Variants in LCLAT1 observed in about 807,000 individuals in gnomAD.
LCLAT1 encodes lysocardiolipin acyltransferase 1, also known as 1-AGP acyltransferase 8.
Under a neutral mutation model 30.7 loss-of-function variants are expected in LCLAT1, and 11 were observed. The observed-to-expected ratio is 0.36, with a 90% CI of 0.23 to 0.59. The LOEUF (loss-of-function observed/expected upper bound fraction) is 0.59, where lower values mean the gene tolerates loss of function less well. Among genes scored for constraint, LCLAT1 ranks in the 20% least tolerant of loss-of-function variants. The pLI is 0.77. For missense variants in LCLAT1, 402 were observed against 458.6 expected, an observed-to-expected ratio of 0.88 and a Z score of 1.13; for synonymous variants, 155 against 151.3, an observed-to-expected ratio of 1.02 and a Z score of -0.18.
intron 1 of LCLAT1, 126 bp from the exon 2 acceptor site, chr2:30,525,461 A>T: frequency 1.4e-6 from 1 of 723,728 alleles, no homozygotes; most frequent in Non-Finnish European, 2.3e-6. Flanking sequence ...TCAGACTCTT[A>T]TATTGTTTCT....
intron 5 of LCLAT1, among the ~76,000 whole-genome samples, chr2:30,587,696 C>T (rs752975645): frequency 2.6e-5 from 4 of 151,908 alleles, no homozygotes; most frequent in African/African-American, 4.8e-5. Flanking sequence ...TTAAGCAAAA[C>T]TTGAATTGTT....
At chr2:30,575,625 C>G (rs892672637) in intron 5 of LCLAT1, among the ~76,000 whole-genome samples, 8 of 152,142 alleles carry the variant, frequency 5.3e-5, no homozygotes, top group Admixed American at 4.6e-4. Flanking sequence ...CTTTTTTTAA[C>G]TACCGGAGGA....
intron 1 of LCLAT1, among the ~76,000 whole-genome samples, chr2:30,490,460 G>A (rs981575188): frequency 6.6e-6 from 1 of 152,030 alleles, no homozygotes; most frequent in African/African-American, 2.4e-5. Context: ...CAAAGTGCTG[G>A]GATTATAGGC....
chr2:30,608,859 T>G (rs1384672735), intron 5 of LCLAT1, among the ~76,000 whole-genome samples: 2 of 152,146 alleles, frequency 1.3e-5, no homozygotes, highest in Admixed American at 6.5e-5. Context: ...GTCATAGGGT[T>G]TGGTAACCTT....
chr2:30,602,379 C>CT (rs1667231182), intron 5 of LCLAT1, among the ~76,000 whole-genome samples: 1 of 152,112 alleles, frequency 6.6e-6, no homozygotes, highest in Admixed American at 6.6e-5. Flanking sequence ...TATTTTAACT[C>CT]TAAGAGTTAT....
At chr2:30,504,128 A>G (rs1271019407) in intron 1 of LCLAT1, among the ~76,000 whole-genome samples, 2 of 150,136 alleles carry the variant, frequency 1.3e-5, no homozygotes, top group African/African-American at 5.1e-5. Context: ...ATATAAACAC[A>G]TATATTACAC....
intron 4 of LCLAT1, among the ~76,000 whole-genome samples, chr2:30,567,611 G>C (rs1665550394): frequency 6.6e-6 from 1 of 152,176 alleles, no homozygotes; most frequent in Admixed American, 6.5e-5. Context: ...GTAATGCCAA[G>C]TGGACCTCCG....
At chr2:30,550,260 A>G (rs1351456820) in intron 3 of LCLAT1, among the ~76,000 whole-genome samples, 1 of 152,224 alleles carries the variant, frequency 6.6e-6, no homozygotes, top group Non-Finnish European at 1.5e-5. Context: ...CTCTGATGTT[A>G]ACATCTTATA....
chr2:30,610,557 TTTAAGACCTTGTTGTTTGAATA>T (rs1371543006), intron 5 of LCLAT1, among the ~76,000 whole-genome samples: 3 of 152,162 alleles, frequency 2.0e-5, no homozygotes, highest in Admixed American at 1.3e-4. Context: ...CTCTCAGGTA[TTTAAGACCTTGTTGTTTGAATA>T]GTTATATAAG....
chr2:30,470,642 A>G (rs1431180524), intron 1 of LCLAT1, among the ~76,000 whole-genome samples: 1 of 152,220 alleles, frequency 6.6e-6, no homozygotes, highest in Non-Finnish European at 1.5e-5. Flanking sequence ...AGGCAGTTTC[A>G]GTACCACATT....
chr2:30,635,579 T>A (rs1371755505), intron 5 of LCLAT1, among the ~76,000 whole-genome samples: 2 of 152,182 alleles, frequency 1.3e-5, no homozygotes, highest in South Asian at 2.1e-4. Context: ...CAAGCAATTT[T>A]AAAAAAACTT....
intron 5 of LCLAT1, among the ~76,000 whole-genome samples, chr2:30,597,581 A>T (rs1411494761): frequency 6.6e-6 from 1 of 152,188 alleles, no homozygotes; most frequent in East Asian, 1.9e-4. Flanking sequence ...GGATCATGTC[A>T]TCTGCAAACA....
intron 1 of LCLAT1, among the ~76,000 whole-genome samples, chr2:30,507,507 G>C (rs181060472): frequency 2.1e-3 from 326 of 152,136 alleles, no homozygotes; most frequent in Non-Finnish European, 3.6e-3. Flanking sequence ...TGTCCCCTCT[G>C]TGTGTCAATG....
chr2:30,548,591 CAGAG>C (rs1664537009), intron 3 of LCLAT1, among the ~76,000 whole-genome samples: 1 of 151,988 alleles, frequency 6.6e-6, no homozygotes, highest in African/African-American at 2.4e-5. Context: ...TAGCAAACTT[CAGAG>C]AGAGAGCAGG....
intron 5 of LCLAT1, among the ~76,000 whole-genome samples, chr2:30,619,651 A>G (rs1007067284): frequency 6.6e-6 from 1 of 152,218 alleles, no homozygotes; most frequent in African/African-American, 2.4e-5. Context: ...AACCCAGCCC[A>G]GGTAAATAAC....
chr2:30,639,741 T>C (rs1480055738), intron 5 of LCLAT1, among the ~76,000 whole-genome samples: 2 of 152,228 alleles, frequency 1.3e-5, no homozygotes, highest in Admixed American at 6.5e-5. Flanking sequence ...TTTGGAGAGA[T>C]GGCTATATTA....
At chr2:30,513,222 A>G (rs1685021798) in intron 1 of LCLAT1, among the ~76,000 whole-genome samples, 1 of 152,016 alleles carries the variant, frequency 6.6e-6, no homozygotes, top group Non-Finnish European at 1.5e-5. Flanking sequence ...TGTTGAATCT[A>G]AACTGAGTTT....
chr2:30,541,115 G>T (rs903769676), intron 3 of LCLAT1, among the ~76,000 whole-genome samples: 3 of 152,086 alleles, frequency 2.0e-5, no homozygotes, highest in African/African-American at 7.2e-5. Flanking sequence ...TCCATTTTCT[G>T]TGTTTAGGTT....
chr2:30,563,580 G>GC (rs1665339029), intron 4 of LCLAT1, among the ~76,000 whole-genome samples: 1 of 152,212 alleles, frequency 6.6e-6, no homozygotes, highest in South Asian at 2.1e-4. Context: ...ACAGGCTGAA[G>GC]CAGGAGAGAA....
Sources: allele counts gnomAD v4.1 joint callset (sites outside exome capture counted in the v4.1 genomes callset), GRCh38; gene constraint gnomAD v4.1.1; transcripts MANE v1.5; gene names NCBI Gene and HGNC (gene_info 2026-07-23, HGNC 2026-07-21).